Variants in PLXNC1 observed in about 807,000 individuals in gnomAD.
PLXNC1 encodes the protein plexin C1.
Under a neutral mutation model 178.2 loss-of-function variants are expected in PLXNC1, and 75 were observed. The observed-to-expected ratio is 0.42, with a 90% CI of 0.35 to 0.51. PLXNC1 has a LOEUF of 0.51. Among genes scored for constraint, PLXNC1 ranks in the 20% least tolerant of loss-of-function variants. PLXNC1 has a pLI of 0.02. For missense variants in PLXNC1, 1,503 were observed against 1,984.4 expected (o/e 0.76, Z 4.61); for synonymous variants, 790 against 779.9 (o/e 1.01, Z -0.22).
At chr12:94,215,651 A>G (rs1403169346) in intron 5 of PLXNC1, among the ~76,000 whole-genome samples, 2 of 152,166 alleles carry the variant, frequency 1.3e-5, no homozygotes, top group East Asian at 1.9e-4. Context: ...TTCATAGAAT[A>G]TAGTGGAAAG....
At chr12:94,235,093 A>G (rs1253289724) in intron 9 of PLXNC1, among the ~76,000 whole-genome samples, 1 of 152,192 alleles carries the variant, frequency 6.6e-6, no homozygotes, top group Non-Finnish European at 1.5e-5. Context: ...AGCAAACAAA[A>G]GACAACTAAT....
At chr12:94,244,248 G>C (rs1286644712) in intron 12 of PLXNC1, among the ~76,000 whole-genome samples, 2 of 152,154 alleles carry the variant, frequency 1.3e-5, no homozygotes, top group Non-Finnish European at 2.9e-5. Flanking sequence ...AAATGAACTT[G>C]GTACGATAAG....
chr12:94,281,604 T>C (rs1966446677), intron 22 of PLXNC1, among the ~76,000 whole-genome samples: 1 of 84,284 alleles, frequency 1.2e-5, no homozygotes, highest in South Asian at 3.8e-4. Flanking sequence ...AAAAATTTTA[T>C]AGAGACAAGT....
At position 94,175,127 on chromosome 12, in the gene PLXNC1, A is replaced by G. The variant is rs906475177; in HGVS notation, c.1203+5834A>G. On this transcript the variant is annotated intron_variant, in intron 2 of 30. Transcript: ENST00000258526. ...TGTGTGTGTGCACGCATGCACAGGC[A>G]TGCACGTGTGTGTATATGTATGCAG... Among the ~76,000 whole-genome samples, 9 of 152,244 alleles carry G rather than the reference A, an allele frequency of 5.9e-5. No homozygotes were observed. The South Asian group carries it at 1.9e-3, about 32-fold the overall frequency.
At chr12:94,184,745 T>C (rs556264056) in intron 3 of PLXNC1, among the ~76,000 whole-genome samples, 7 of 146,512 alleles carry the variant, frequency 4.8e-5, no homozygotes, top group African/African-American at 1.5e-4. Flanking sequence ...GTTATATTTG[T>C]GTGTTTAAAT....
At chr12:94,182,928 G>T (rs980402660) in intron 3 of PLXNC1, among the ~76,000 whole-genome samples, 1 of 150,316 alleles carries the variant, frequency 6.7e-6, no homozygotes, top group Non-Finnish European at 1.5e-5. Flanking sequence ...CTATCTATAG[G>T]TTAGCCTTTG....
At chr12:94,267,235 C>G (rs888533347) in intron 21 of PLXNC1, among the ~76,000 whole-genome samples, 3 of 152,184 alleles carry the variant, frequency 2.0e-5, no homozygotes, top group African/African-American at 7.2e-5. Context: ...ACAGGAAAGA[C>G]AGGAAAGGAG....
chr12:94,262,959 A>G (rs1443006496), intron 20 of PLXNC1, among the ~76,000 whole-genome samples: 1 of 152,186 alleles, frequency 6.6e-6, no homozygotes, highest in Non-Finnish European at 1.5e-5. Flanking sequence ...GACTCTCCCC[A>G]GATCTCACTG....
At position 94,247,824 on chromosome 12, in the gene PLXNC1, C is replaced by T. The variant is rs748549639; in HGVS notation, c.2389-79C>T. 2.8e-5 allele frequency: 36 copies of T among 1,297,058 alleles called. 1 individual carries two copies. Among genetic ancestry groups the T allele is most frequent in the Admixed American group, 3.6e-5 (2 of 55,444 alleles). 80.3% of individuals were successfully genotyped at this position (1,297,058 alleles called of 1,614,324 possible). A position where few individuals can be genotyped will look rare whatever the true frequency, so the allele number is the denominator to read the frequency against. ...ACAGAAGCACCAAGAAGTTAAGTTG[C>T]TCAGGTCACTTAGCTCTTAGAGATC... On this transcript the variant is annotated intron_variant, in intron 12 of 30. Transcript: ENST00000258526.
rs771248392 is a variant in PLXNC1, at chr12:94,279,533, T to G, written c.3659T>G (p.Ile1220Ser). The change falls in exon 22 of 31, where the codon ATT becomes AGT. Residue 1220 changes from isoleucine (I) to serine (S), a missense_variant. Transcript: ENST00000258526. Reference sequence around the variant, plus strand: ...GAGAGTGCAGATGTCTGTCGGAATATTTCAGTCAATGTTCTCGACTGTGAC... The same window carrying G: ...GAGAGTGCAGATGTCTGTCGGAATAGTTCAGTCAATGTTCTCGACTGTGAC... ...ENESADVCRN[I>S]SVNVLDCDTI... 1 of 1,614,204 alleles carries G rather than the reference T, an allele frequency of 6.2e-7. No individual in the cohort carries two copies. The highest frequency in any genetic ancestry group is 8.5e-7 in the Non-Finnish European group (1 of 1,180,002).
chr12:94,219,327 G>A (rs1040004135), intron 5 of PLXNC1, among the ~76,000 whole-genome samples: 1 of 152,160 alleles, frequency 6.6e-6, no homozygotes, highest in Admixed American at 6.5e-5. Context: ...AGTTCAGTGG[G>A]AAAAGGAGGT....
At chr12:94,189,106 G>C (rs898535988) in intron 4 of PLXNC1, among the ~76,000 whole-genome samples, 1 of 152,234 alleles carries the variant, frequency 6.6e-6, no homozygotes, top group Admixed American at 6.5e-5. Flanking sequence ...TGTAAGCATG[G>C]TTTTGTCTTT....
chr12:94,303,749 T>TTA lies in PLXNC1; in HGVS notation c.4387-7_4387-6insTA. On this transcript the variant is annotated splice_polypyrimidine_tract_variant and splice_region_variant and intron_variant, in intron 28 of 30. Transcript: ENST00000258526. ...GATGGTTGCTTTTTTTTTTTTTTTT[T>TTA]CCCCAGGAAGCACCAACTAATAAGC... 1.0e-5 allele frequency: 14 copies of TTA among 1,344,358 alleles called. No individual in the cohort carries two copies. Among genetic ancestry groups the TTA allele is most frequent in the South Asian group, 1.8e-5 (1 of 55,932 alleles). 83.3% of individuals were successfully genotyped at this position (1,344,358 alleles called of 1,614,324 possible). A position where few individuals can be genotyped will look rare whatever the true frequency, so the allele number is the denominator to read the frequency against.
chr12:94,159,497 A>G (rs1312544015), intron 1 of PLXNC1, among the ~76,000 whole-genome samples: 2 of 152,046 alleles, frequency 1.3e-5, no homozygotes, highest in African/African-American at 2.4e-5. Flanking sequence ...ACTGGAGGGC[A>G]TGTGCAAGAA....
rs1204290762 is a variant in PLXNC1, at chr12:94,307,023, T to TAGGAG, written c.*1741_*1745dup. The stretch of plus-strand genomic sequence containing the variant: ...CAGTAGGAAAGTTGAGAGCCAAGGG[T>TAGGAG]AGGAGAGTTGCCCAAAAGACTTCCC... On this transcript the variant is annotated 3_prime_UTR_variant, in exon 31 of 31. Coordinates refer to ENST00000258526, the MANE Select transcript of PLXNC1 (RefSeq NM_005761.3). 6.6e-6 allele frequency: 1 copy of TAGGAG among 152,092 alleles called. No individual in the cohort carries two copies. Among genetic ancestry groups the TAGGAG allele is most frequent in the Non-Finnish European group, 1.5e-5 (1 of 68,022 alleles). 9.4% of individuals were successfully genotyped at this position (152,092 alleles called of 1,614,324 possible).
intron 1 of PLXNC1, chr12:94,168,101 C>G (rs1356800400): frequency 6.6e-6 from 1 of 152,148 alleles, no homozygotes; most frequent in Non-Finnish European, 1.5e-5. Context: ...TTAGCCTCCC[C>G]CTCCCCAAAT....
chr12:94,216,423 G>T (rs1963648271), intron 5 of PLXNC1, among the ~76,000 whole-genome samples: 1 of 152,092 alleles, frequency 6.6e-6, no homozygotes, highest in Non-Finnish European at 1.5e-5. Flanking sequence ...ATTCTCACAA[G>T]AGGAGATTCA....
chr12:94,168,825 C>T (rs1041971795), intron 1 of PLXNC1, among the ~76,000 whole-genome samples: 4 of 152,216 alleles, frequency 2.6e-5, no homozygotes, highest in Non-Finnish European at 5.9e-5. Context: ...AGTCTGCCTC[C>T]CAATTCAGCG....
At chr12:94,230,838 A>G (rs981273891) in intron 9 of PLXNC1, among the ~76,000 whole-genome samples, 6 of 152,196 alleles carry the variant, frequency 3.9e-5, no homozygotes, top group Non-Finnish European at 7.3e-5. Context: ...AGGCACTAGG[A>G]ATGGAGCAGG....
Sources: gnomAD v4.1 joint callset for allele counts (sites outside exome capture counted in the v4.1 genomes callset) on GRCh38, gnomAD v4.1.1 for gene constraint, MANE v1.5 for transcripts, NCBI Gene and HGNC (gene_info 2026-07-23, HGNC 2026-07-21) for gene names.